CTNND2: variants seen among roughly 807,000 people sequenced by gnomAD.
CTNND2 encodes the protein catenin delta-2.
In CTNND2, 22 loss-of-function variants were observed where a neutral mutation model predicts 144.4. The observed-to-expected ratio is 0.15, with a 90% CI of 0.11 to 0.22. The LOEUF is 0.22. CTNND2 is among the 10% of genes least tolerant of loss of function. CTNND2 has a pLI of 1.00. For missense variants in CTNND2, 1,353 were observed against 1,618.8 expected, an observed-to-expected ratio of 0.84 and a Z score of 2.82; for synonymous variants, 751 against 695.6, an observed-to-expected ratio of 1.08 and a Z score of -1.25.
Position 11,250,516 on chromosome 5 carries a change from T to TATAC in CTNND2, c.1629-13694_1629-13693insGTAT, listed in dbSNP as rs1554012690. On this transcript the variant is annotated intron_variant, in intron 9 of 21. Transcript: ENST00000304623. ...CTATATATATATATATATATATACA[T>TATAC]ATATTTTTTTTTTTTTTTAGAGACA... Among the ~76,000 whole-genome samples the TATAC allele has an allele frequency of 3.1e-3, 120 of 38,280 alleles. 1 individual carries two copies. Among genetic ancestry groups the TATAC allele is most frequent in the African/African-American group, 0.023 (117 of 5,184 alleles). 25.1% of individuals were successfully genotyped at this position (38,280 alleles called of 152,430 possible).
chr5:11,112,806 G>A (rs982645998), intron 13 of CTNND2, among the ~76,000 whole-genome samples: 1 of 152,130 alleles, frequency 6.6e-6, no homozygotes, highest in Admixed American at 6.5e-5. Context: ...TAATCTTTCT[G>A]TACTTCTATT....
At chr5:11,591,562 T>C (rs942186801) in intron 2 of CTNND2, among the ~76,000 whole-genome samples, 22 of 151,826 alleles carry the variant, frequency 1.4e-4, no homozygotes, top group African/African-American at 4.8e-4. Context: ...TTTCTTTTTT[T>C]TGAATAATCT....
At chr5:11,112,242 T>G (rs61754591) in intron 13 of CTNND2, among the ~76,000 whole-genome samples, 2,807 of 152,146 alleles carry the variant, frequency 0.018, 74 homozygotes, top group African/African-American at 0.061. Flanking sequence ...GCTTGTCAGA[T>G]GGGGAGGTTA....
intron 1 of CTNND2, among the ~76,000 whole-genome samples, chr5:11,879,376 A>AT (rs1735856769): frequency 6.2e-5 from 5 of 80,550 alleles, no homozygotes; most frequent in Non-Finnish European, 8.7e-5. Flanking sequence ...CACACACACA[A>AT]ACATATACAT....
At chr5:11,475,835 A>C (rs894194369) in intron 3 of CTNND2, among the ~76,000 whole-genome samples, 3 of 152,020 alleles carry the variant, frequency 2.0e-5, no homozygotes, top group African/African-American at 7.2e-5. Context: ...TCTGGGGACT[A>C]ATTTACTAGT....
intron 3 of CTNND2, among the ~76,000 whole-genome samples, chr5:11,514,202 G>GA (rs5865952): frequency 1.3e-4 from 19 of 148,732 alleles, no homozygotes; most frequent in Middle Eastern, 7.0e-3. Context: ...AAAAGAAAAA[G>GA]AAAAAAAAAA....
intron 1 of CTNND2, among the ~76,000 whole-genome samples, chr5:11,753,985 G>A (rs1049610761): frequency 2.6e-5 from 4 of 150,970 alleles, no homozygotes; most frequent in East Asian, 1.9e-4. Context: ...TAGTAGTCTC[G>A]GAGGGATTTT....
At position 10,973,720 on chromosome 5, in the gene CTNND2, G is replaced by A. The variant is rs756695328; in HGVS notation, c.3418-7C>T. 32 of 1,584,064 alleles carry A rather than the reference G, an allele frequency of 2.0e-5. No homozygotes were observed. The highest frequency in any genetic ancestry group is 2.5e-5 in the Non-Finnish European group (29 of 1,165,344). On this transcript the variant is annotated splice_region_variant and splice_polypyrimidine_tract_variant and intron_variant, in intron 21 of 21. Transcript: ENST00000304623. This position sits in a 1 kb window ranked among gnomAD's most constrained non-coding sequence, Gnocchi z 5.6. ...GGACTGGCTGTGCTGAAACCTAAACGGGAAAGAAGAGCCACACTGGGTTAC... is the reference window on the plus strand; with the variant it reads ...GGACTGGCTGTGCTGAAACCTAAACAGGAAAGAAGAGCCACACTGGGTTAC...
chr5:11,470,837 G>A (rs1403725583), intron 3 of CTNND2, among the ~76,000 whole-genome samples: 1 of 151,320 alleles, frequency 6.6e-6, no homozygotes, highest in Non-Finnish European at 1.5e-5. Flanking sequence ...GATAGGATTT[G>A]GAGAGGAAGA....
intron 9 of CTNND2, among the ~76,000 whole-genome samples, chr5:11,301,266 C>G (rs995557206): frequency 1.3e-5 from 2 of 152,122 alleles, no homozygotes; most frequent in African/African-American, 2.4e-5. Context: ...AGTTGCCCGC[C>G]TCTGCCTCCC....
intron 9 of CTNND2, among the ~76,000 whole-genome samples, chr5:11,249,072 C>A (rs1258250545): frequency 6.6e-6 from 1 of 152,228 alleles, no homozygotes; most frequent in African/African-American, 2.4e-5. Flanking sequence ...AACACTGGTT[C>A]CTGCCCTCAG....
intron 12 of CTNND2, among the ~76,000 whole-genome samples, chr5:11,129,370 G>A (rs1258572036): frequency 4.0e-5 from 5 of 125,832 alleles, no homozygotes; most frequent in South Asian, 2.5e-4. Flanking sequence ...GTGGAAGGGC[G>A]TGAGGTGGTG....
intron 3 of CTNND2, among the ~76,000 whole-genome samples, chr5:11,523,434 T>A (rs1772940023): frequency 6.6e-6 from 1 of 152,176 alleles, no homozygotes. Flanking sequence ...CAATGAATGA[T>A]CCTAAATTCC....
chr5:11,201,529 G>A (rs1237313910), intron 10 of CTNND2, among the ~76,000 whole-genome samples: 3 of 152,180 alleles, frequency 2.0e-5, no homozygotes, highest in Non-Finnish European at 2.9e-5. Context: ...TGATGATTCC[G>A]AATATGCCTA....
intron 1 of CTNND2, among the ~76,000 whole-genome samples, chr5:11,750,556 T>C (rs1788555121): frequency 1.3e-5 from 2 of 152,034 alleles, no homozygotes; most frequent in Middle Eastern, 3.4e-3. Context: ...AAGAACATGA[T>C]AGTCTAAATT....
At chr5:11,172,648 C>T (rs372904479) in intron 11 of CTNND2, among the ~76,000 whole-genome samples, 3 of 152,178 alleles carry the variant, frequency 2.0e-5, no homozygotes, top group Non-Finnish European at 2.9e-5. Flanking sequence ...AGAAAGCAAA[C>T]ACATGTGGTA....
chr5:11,757,853 T>G (rs1789037177), intron 1 of CTNND2, among the ~76,000 whole-genome samples: 1 of 151,952 alleles, frequency 6.6e-6, no homozygotes, highest in Non-Finnish European at 1.5e-5. Context: ...TTCTGACCCT[T>G]ACATCCAATG....
chr5:11,108,247 G>A (rs990695089), intron 14 of CTNND2, among the ~76,000 whole-genome samples: 7 of 152,166 alleles, frequency 4.6e-5, no homozygotes, highest in Admixed American at 3.3e-4. Context: ...GCTGGTCTGC[G>A]GGATCCTAAG....
chr5:11,046,034 C>T (rs1281133720), intron 16 of CTNND2, among the ~76,000 whole-genome samples: 1 of 152,110 alleles, frequency 6.6e-6, no homozygotes, highest in Non-Finnish European at 1.5e-5. Context: ...GTTGGGGCTA[C>T]TTGGTGTGGG....
Sources: allele counts gnomAD v4.1 joint callset (sites outside exome capture counted in the v4.1 genomes callset), GRCh38; gene constraint gnomAD v4.1.1; non-coding constraint Gnocchi (gnomAD v3.1); transcripts MANE v1.5; gene names NCBI Gene and HGNC (gene_info 2026-07-23, HGNC 2026-07-21).